DPP10: variants seen among roughly 807,000 people sequenced by gnomAD.
DPP10 encodes the protein inactive dipeptidyl peptidase 10.
In DPP10, 33 loss-of-function variants were observed where a neutral mutation model predicts 120.9. The observed-to-expected ratio is 0.27, with a 90% CI of 0.21 to 0.37. The LOEUF is 0.37. Among genes scored for constraint, DPP10 ranks in the 10% least tolerant of loss-of-function variants. DPP10 has a pLI of 1.00. For missense variants in DPP10, 816 were observed against 942.8 expected (o/e 0.87, Z 1.76); for synonymous variants, 337 against 326.1 (o/e 1.03, Z -0.36).
intron 5 of DPP10, among the ~76,000 whole-genome samples, chr2:115,591,442 T>G (rs1314025372): frequency 6.6e-6 from 1 of 152,152 alleles, no homozygotes; most frequent in Non-Finnish European, 1.5e-5. Context: ...TTTTGTCAGG[T>G]TTTTCAAAGA....
chr2:115,206,783 G>A (rs2056163633), intron 1 of DPP10, among the ~76,000 whole-genome samples: 1 of 152,114 alleles, frequency 6.6e-6, no homozygotes, highest in Admixed American at 6.6e-5. Context: ...TTCAGTAAAT[G>A]CTAAGCCATA....
chr2:114,686,534 C>T (rs375178175), intron 1 of DPP10, among the ~76,000 whole-genome samples: 27 of 151,864 alleles, frequency 1.8e-4, no homozygotes, highest in African/African-American at 5.1e-4. Flanking sequence ...TTCTAAGTTG[C>T]TTTTAATTCT....
At chr2:115,785,466 A>G (rs1025022174) in intron 17 of DPP10, among the ~76,000 whole-genome samples, 1 of 152,144 alleles carries the variant, frequency 6.6e-6, no homozygotes, top group Non-Finnish European at 1.5e-5. Context: ...ATCTGGTTCC[A>G]GCCTTTTTCT....
intron 1 of DPP10, among the ~76,000 whole-genome samples, chr2:114,952,741 C>A (rs1363724648): frequency 1.3e-5 from 2 of 152,144 alleles, no homozygotes; most frequent in Non-Finnish European, 2.9e-5. Context: ...ACAAGATATA[C>A]TCTATCAGGA....
At chr2:114,958,822 G>A (rs965605190) in intron 1 of DPP10, among the ~76,000 whole-genome samples, 1 of 151,952 alleles carries the variant, frequency 6.6e-6, no homozygotes, top group Non-Finnish European at 1.5e-5. Context: ...TGAATTTGAA[G>A]TTATACATGA....
intron 8 of DPP10, among the ~76,000 whole-genome samples, chr2:115,734,190 A>G (rs1201558079): frequency 6.6e-6 from 1 of 152,214 alleles, no homozygotes; most frequent in Non-Finnish European, 1.5e-5. Context: ...AAATGAGAGT[A>G]GGCGATGCCT....
intron 1 of DPP10, among the ~76,000 whole-genome samples, chr2:115,118,129 A>G (rs756385949): frequency 1.3e-5 from 2 of 152,152 alleles, no homozygotes; most frequent in Non-Finnish European, 2.9e-5. Context: ...TCAAGACCCA[A>G]ACCTAGATGT....
In DPP10 at chr2:115,423,560, A is replaced by G. The variant is rs77327404; in HGVS notation, c.272-75950A>G. 7.4e-3 allele frequency among the ~76,000 whole-genome samples: 1,129 copies of G among 152,256 alleles called. 6 individuals are homozygous for G. Among genetic ancestry groups the G allele is most frequent in the African/African-American group, 0.025 (1,033 of 41,568 alleles). ...CTGCTGAGGAAAGAACTAACAAATG[A>G]CAAAAAGAACGGCTTTGCCTGGGAC... On this transcript the variant is annotated intron_variant, in intron 3 of 25. Coordinates refer to ENST00000410059, the MANE Select transcript of DPP10 (RefSeq NM_020868.6).
At chr2:115,621,654 A>T (rs1354562396) in intron 5 of DPP10, among the ~76,000 whole-genome samples, 2 of 151,838 alleles carry the variant, frequency 1.3e-5, no homozygotes, top group Non-Finnish European at 2.9e-5. Context: ...ACCTGTTATT[A>T]AAAAAAATTC....
intron 5 of DPP10, among the ~76,000 whole-genome samples, chr2:115,586,415 G>T (rs1179912104): frequency 6.6e-6 from 1 of 152,194 alleles, no homozygotes; most frequent in African/African-American, 2.4e-5. Flanking sequence ...AAATACCATT[G>T]TCATACATTC....
intron 1 of DPP10, among the ~76,000 whole-genome samples, chr2:114,716,024 C>A (rs1701324450): frequency 1.3e-5 from 2 of 149,240 alleles, no homozygotes; most frequent in African/African-American, 2.5e-5. Context: ...CTAATATTAG[C>A]AAAATTTCTA....
At chr2:115,033,710 T>A (rs1166586537) in intron 1 of DPP10, among the ~76,000 whole-genome samples, 1 of 150,748 alleles carries the variant, frequency 6.6e-6, no homozygotes, top group African/African-American at 2.4e-5. Flanking sequence ...TTTTTTTTTT[T>A]TATTTTTAGA....
At chr2:115,802,678 T>G (rs1326649638) in intron 19 of DPP10, among the ~76,000 whole-genome samples, 2 of 152,180 alleles carry the variant, frequency 1.3e-5, no homozygotes, top group Non-Finnish European at 2.9e-5. Flanking sequence ...CTGCCTTCAT[T>G]TCGTTATGTA....
At chr2:114,728,232 G>A (rs1676541083) in intron 1 of DPP10, among the ~76,000 whole-genome samples, 1 of 152,162 alleles carries the variant, frequency 6.6e-6, no homozygotes, top group Non-Finnish European at 1.5e-5. Flanking sequence ...CCTTTCCTAT[G>A]GGAGGAGCCA....
At chr2:114,878,421 TTG>T (rs1298174704) in intron 1 of DPP10, among the ~76,000 whole-genome samples, 6 of 152,124 alleles carry the variant, frequency 3.9e-5, no homozygotes, top group African/African-American at 1.4e-4. Flanking sequence ...TATCATTTCT[TTG>T]TGTTGGGAAA....
chr2:115,275,768 C>T (rs1296845506), intron 1 of DPP10, among the ~76,000 whole-genome samples: 2 of 147,140 alleles, frequency 1.4e-5, no homozygotes, highest in Admixed American at 6.9e-5. Context: ...GGCCTGATCT[C>T]GGCTCACTGC....
chr2:114,964,596 CA>C (rs1346896276), intron 1 of DPP10, among the ~76,000 whole-genome samples: 1 of 151,902 alleles, frequency 6.6e-6, no homozygotes, highest in Non-Finnish European at 1.5e-5. Flanking sequence ...GAGGGAAGAG[CA>C]ATCGCAAAGG....
chr2:115,104,015 G>C (rs1420598123), intron 1 of DPP10, among the ~76,000 whole-genome samples: 2 of 152,024 alleles, frequency 1.3e-5, no homozygotes, highest in Non-Finnish European at 2.9e-5. Flanking sequence ...ACACAGCCTG[G>C]AGGTGATTTT....
chr2:114,724,584 A>G (rs909322494), intron 1 of DPP10, among the ~76,000 whole-genome samples: 2 of 152,162 alleles, frequency 1.3e-5, no homozygotes, highest in Non-Finnish European at 2.9e-5. Context: ...ACAAGGGGTA[A>G]ACATATATGT....
Sources: gnomAD v4.1 joint callset for allele counts (sites outside exome capture counted in the v4.1 genomes callset) on GRCh38, gnomAD v4.1.1 for gene constraint, MANE v1.5 for transcripts, NCBI Gene and HGNC (gene_info 2026-07-23, HGNC 2026-07-21) for gene names.